SLC9A1: variants seen among roughly 807,000 people sequenced by gnomAD.
SLC9A1 encodes the protein sodium/hydrogen exchanger 1.
A neutral mutation model predicts 67.9 loss-of-function variants in SLC9A1; 22 were observed. The observed-to-expected ratio is 0.32, with a 90% CI of 0.23 to 0.46. The LOEUF (loss-of-function observed/expected upper bound fraction) is 0.46, where lower values mean the gene tolerates loss of function less well. SLC9A1 is among the 20% of genes least tolerant of loss of function. SLC9A1 has a pLI of 1.00. For missense variants in SLC9A1, 686 were observed against 1,094.8 expected (o/e 0.63, Z 5.27); for synonymous variants, 421 against 471.8 (o/e 0.89, Z 1.40).
Position 27,109,851 on chromosome 1 carries a change from G to T in SLC9A1, c.814-74C>A. 6.4e-7 allele frequency: 1 copy of T among 1,551,172 alleles called. No homozygotes were observed. The highest frequency in any genetic ancestry group is 8.8e-7 in the Non-Finnish European group (1 of 1,132,942). ...CACGGTTCCCTGGGGTCCACCCAGGGCAATCCTGTCCCCTCCGTTAACCAT... is the reference window on the plus strand; with the variant it reads ...CACGGTTCCCTGGGGTCCACCCAGGTCAATCCTGTCCCCTCCGTTAACCAT... On this transcript the variant is annotated intron_variant, in intron 2 of 11. Transcript: ENST00000263980. This position sits in a 1 kb window ranked among gnomAD's most constrained non-coding sequence, Gnocchi z 5.5.
chr1:27,113,320 T>C (rs1309768160), intron 2 of SLC9A1, among the ~76,000 whole-genome samples: 2 of 151,804 alleles, frequency 1.3e-5, no homozygotes, highest in Non-Finnish European at 2.9e-5. Flanking sequence ...ATTAGCCGGG[T>C]GTGGTGGTGC....
rs2083251873 is a variant in SLC9A1, at chr1:27,114,361, G to A, written c.353-75C>T. 2.5e-6 allele frequency: 3 copies of A among 1,224,282 alleles called. No homozygotes were observed. The highest frequency in any genetic ancestry group is 2.1e-5 in the Admixed American group (1 of 46,646). The allele number at this position is 1,224,282 out of a possible 1,614,324, so 75.8% of individuals were successfully genotyped here. On this transcript the variant is annotated intron_variant, in intron 1 of 11. Transcript: ENST00000263980. The surrounding 1 kb of genome is among the most constrained non-coding windows in gnomAD (Gnocchi z 5.4). ...AGAATAGAAGGTTGGGGATGGGCCG[G>A]GGATGAGGAGCGCAGTTGGTGAGAG...
chr1:27,137,710 G>T lies in SLC9A1; in HGVS notation c.352+16273C>A, dbSNP rs1057280492. Among the ~76,000 whole-genome samples, 3 of 152,260 alleles carry T rather than the reference G, an allele frequency of 2.0e-5. No homozygotes were observed. In the East Asian group the frequency reaches 5.8e-4, roughly 29 times the overall value. Reference sequence around the variant, plus strand: ...GCAGGGAACACGCATGTCCAACCCTGGTGTTCAGCAATGCCACGCCTCCCA... The same window carrying T: ...GCAGGGAACACGCATGTCCAACCCTTGTGTTCAGCAATGCCACGCCTCCCA... On this transcript the variant is annotated intron_variant, in intron 1 of 11. Coordinates refer to ENST00000263980, the MANE Select transcript of SLC9A1 (RefSeq NM_003047.5). The surrounding 1 kb of genome is among the most constrained non-coding windows in gnomAD (Gnocchi z 4.6).
At chr1:27,104,198 C>T (rs1310108070) in intron 5 of SLC9A1, among the ~76,000 whole-genome samples, 5 of 151,450 alleles carry the variant, frequency 3.3e-5, no homozygotes, top group African/African-American at 1.2e-4. Flanking sequence ...TCTCCTGCCT[C>T]AGCCTCCCAA....
At chr1:27,127,058 T>C (rs1213951447) in intron 1 of SLC9A1, among the ~76,000 whole-genome samples, 1 of 152,008 alleles carries the variant, frequency 6.6e-6, no homozygotes, top group African/African-American at 2.4e-5. Flanking sequence ...TGGAGTGCAG[T>C]GGTACGAACA....
rs553312613 is a variant in SLC9A1 at position 27,104,981 on chromosome 1, A to G, written c.1485+904T>C. Among the ~76,000 whole-genome samples, 18 of 152,258 alleles carry G rather than the reference A, an allele frequency of 1.2e-4. No homozygotes were observed. In the South Asian group the frequency reaches 3.7e-3, roughly 32 times the overall value. ...AAGCCTGAGCCGTTTAAATGTACAG[A>G]AATCACTGAGCAGCAGGCTGGAAGG... On this transcript the variant is annotated intron_variant, in intron 5 of 11. Coordinates refer to ENST00000263980, the MANE Select transcript of SLC9A1 (RefSeq NM_003047.5).
chr1:27,108,049 G>A (rs983300940), intron 3 of SLC9A1, among the ~76,000 whole-genome samples, 184 bp from the exon 4 acceptor site: 10 of 151,092 alleles, frequency 6.6e-5, no homozygotes, highest in Non-Finnish European at 1.0e-4. Flanking sequence ...CTATAGACAC[G>A]GTGTATTCCT....
intron 2 of SLC9A1, among the ~76,000 whole-genome samples, chr1:27,111,413 T>C (rs912343718): frequency 6.6e-6 from 1 of 152,172 alleles, no homozygotes; most frequent in African/African-American, 2.4e-5. Flanking sequence ...ATATCAGGCT[T>C]ATGTAACCTC....
chr1:27,100,099 T>G lies in SLC9A1; in HGVS notation c.*208A>C. 1 of 461,014 alleles carries G rather than the reference T, an allele frequency of 2.2e-6. No homozygotes were observed. The highest frequency in any genetic ancestry group is 3.8e-6 in the Non-Finnish European group (1 of 262,624). 28.6% of individuals were successfully genotyped at this position (461,014 alleles called of 1,614,324 possible). A position where few individuals can be genotyped will look rare whatever the true frequency, so the allele number is the denominator to read the frequency against. On this transcript the variant is annotated 3_prime_UTR_variant, in exon 12 of 12. Transcript: ENST00000263980. The surrounding 1 kb of genome is among the most constrained non-coding windows in gnomAD (Gnocchi z 5.6). ...AGCCCCAGCAGTTCTGCCAAATGGATTGGGGAGGCAGCTCTGGTGGGGAGG... is the reference window on the plus strand; with the variant it reads ...AGCCCCAGCAGTTCTGCCAAATGGAGTGGGGAGGCAGCTCTGGTGGGGAGG...
intron 2 of SLC9A1, among the ~76,000 whole-genome samples, chr1:27,110,879 G>C (rs1274172159): frequency 6.6e-6 from 1 of 152,220 alleles, no homozygotes; most frequent in East Asian, 1.9e-4. Flanking sequence ...CCTGGGGGAA[G>C]GGAGGGAAGG....
At chr1:27,113,672 C>T (rs987990211) in intron 2 of SLC9A1, among the ~76,000 whole-genome samples, 154 bp downstream of exon 2, 4 of 152,122 alleles carry the variant, frequency 2.6e-5, no homozygotes, top group South Asian at 4.1e-4. Flanking sequence ...TAATCCATGC[C>T]GAAGGGCTCA....
At chr1:27,138,931 A>C (rs1223480346) in intron 1 of SLC9A1, among the ~76,000 whole-genome samples, 1 of 152,120 alleles carries the variant, frequency 6.6e-6, no homozygotes, top group East Asian at 1.9e-4. Context: ...GGCAGACAGC[A>C]GTGGAGCCGC....
intron 3 of SLC9A1, 40 bp from the exon 4 acceptor site, chr1:27,107,905 C>T (rs2083200960): frequency 6.9e-7 from 1 of 1,454,292 alleles, no homozygotes; most frequent in Non-Finnish European, 9.5e-7. Context: ...CCGTGTCGAG[C>T]TGCACCTGCT....
chr1:27,108,107 C>T (rs1570850436), intron 3 of SLC9A1, among the ~76,000 whole-genome samples: 1 of 149,110 alleles, frequency 6.7e-6, no homozygotes, highest in South Asian at 2.1e-4. Flanking sequence ...CACTCTGTCA[C>T]CCAGGCTGGA....
chr1:27,138,716 G>A (rs772534628), intron 1 of SLC9A1, among the ~76,000 whole-genome samples: 10 of 152,152 alleles, frequency 6.6e-5, no homozygotes, highest in Admixed American at 6.5e-5. Context: ...GCAGATGTGC[G>A]TTAGGGACAC....
At chr1:27,115,164 G>A (rs1029978886) in intron 1 of SLC9A1, among the ~76,000 whole-genome samples, 1 of 152,126 alleles carries the variant, frequency 6.6e-6, no homozygotes, top group East Asian at 1.9e-4. Context: ...GCACAGTTCT[G>A]TAATTCAAGC....
chr1:27,102,364 C>T (rs1285966331), intron 8 of SLC9A1, 21 bp downstream of exon 8: 3 of 1,568,038 alleles, frequency 1.9e-6, no homozygotes, highest in South Asian at 1.2e-5. Context: ...GCAGAAGCTG[C>T]CTGGTTGCCC....
At chr1:27,139,283 A>G (rs1351269542) in intron 1 of SLC9A1, among the ~76,000 whole-genome samples, 3 of 152,146 alleles carry the variant, frequency 2.0e-5, no homozygotes, top group Admixed American at 2.0e-4. Context: ...GTGTCTGCAC[A>G]AAGATCTCTG....
chr1:27,151,553 G>C (rs2083528428), intron 1 of SLC9A1, among the ~76,000 whole-genome samples: 1 of 151,952 alleles, frequency 6.6e-6, no homozygotes, highest in Non-Finnish European at 1.5e-5. Flanking sequence ...GTAGAGACGG[G>C]GTTTCACCAT....
Sources: gnomAD v4.1 joint callset for allele counts (sites outside exome capture counted in the v4.1 genomes callset) on GRCh38, gnomAD v4.1.1 for gene constraint, Gnocchi (gnomAD v3.1) non-coding constraint, MANE v1.5 for transcripts, NCBI Gene and HGNC (gene_info 2026-07-23, HGNC 2026-07-21) for gene names.